The following PPM1D variants were observed in gnomAD, a reference collection of about 807,000 sequenced individuals.
PPM1D encodes protein phosphatase 1D.
PPM1D carries 52 observed loss-of-function variants against 58.3 expected under a neutral mutation model. The ratio of observed to expected loss-of-function variants is 0.89; its 90% CI spans 0.71 to 1.12. The LOEUF is 1.12. Ranked by LOEUF, PPM1D falls within the 50% of genes most tolerant of loss-of-function variation. The pLI is 0.00. For synonymous variants in PPM1D, 278 were observed against 285.1 expected, an observed-to-expected ratio of 0.98 and a Z score of 0.25; for missense variants, 564 against 777.2, an observed-to-expected ratio of 0.73 and a Z score of 3.26.
At chr17:60,654,434 G>A (rs1387614611) in intron 4 of PPM1D, among the ~76,000 whole-genome samples, 5 of 137,518 alleles carry the variant, frequency 3.6e-5, no homozygotes, top group African/African-American at 1.4e-4. Context: ...AGCCCAGGAG[G>A]TGGAGACTGC....
rs1208886645 is a variant in PPM1D, at chr17:60,600,292, GC to G, written c.-118del. 8 of 1,444,276 alleles carry G rather than the reference GC, an allele frequency of 5.5e-6. No homozygotes were observed. The highest frequency in any genetic ancestry group is 7.2e-6 in the Non-Finnish European group (8 of 1,104,564). The allele number at this position is 1,444,276 out of a possible 1,614,324, so 89.5% of individuals were successfully genotyped here. On this transcript the variant is annotated 5_prime_UTR_variant, in exon 1 of 6. Transcript: ENST00000305921. ...CGCGCGCCCCCCCTTCTCCGGGTCC[GC>G]CCCCTCCCCCTTCTCGGCGTCGTCG... is the stretch of plus-strand genomic sequence containing the variant.
intron 2 of PPM1D, 83 bp downstream of exon 2, chr17:60,623,832 T>G: frequency 7.6e-7 from 1 of 1,318,554 alleles, no homozygotes; most frequent in South Asian, 1.4e-5. Context: ...CCTACTACTG[T>G]CCCTTTTACT....
chr17:60,623,497 G>C (rs116145025), intron 1 of PPM1D, 24 bp from the exon 2 acceptor site: 2 of 1,587,832 alleles, frequency 1.3e-6, no homozygotes, highest in Admixed American at 1.7e-5. Context: ...TTGCAAGAGT[G>C]AAATATTTTA....
At chr17:60,643,518 C>CA (rs1291835484) in intron 3 of PPM1D, among the ~76,000 whole-genome samples, 1 of 152,126 alleles carries the variant, frequency 6.6e-6, no homozygotes, top group Non-Finnish European at 1.5e-5. Context: ...ATAATTGATT[C>CA]ATTCAGGAAT....
intron 1 of PPM1D, among the ~76,000 whole-genome samples, chr17:60,604,223 A>G (rs748744671): frequency 3.9e-5 from 6 of 152,220 alleles, no homozygotes; most frequent in Non-Finnish European, 7.3e-5. Context: ...CTCATCAGAA[A>G]ACTCTTTAAA....
Position 60,663,418 on chromosome 17 carries a change from C to T in PPM1D, c.1684C>T (p.Gln562Ter). 1 of 1,614,166 alleles carries T rather than the reference C, an allele frequency of 6.2e-7. No individual in the cohort carries two copies. Among genetic ancestry groups the T allele is most frequent in the Non-Finnish European group, 8.5e-7 (1 of 1,180,040 alleles). The part of the protein sequence containing the change: ...RNGLSRSSGA[Q>*]PASLPTTSQR... ...TGGCTTAAGTCGAAGTAGTGGTGCT[C>T]AGCCTGCAAGTCTCCCCACAACCTC... is the stretch of plus-strand genomic sequence containing the variant. The change falls in exon 6 of 6, where the codon CAG becomes TAG. Residue 562 changes from glutamine to a stop codon, truncating the protein, a stop_gained. Transcript: ENST00000305921. LOFTEE classifies it high-confidence loss of function.
chr17:60,615,510 A>G (rs1240954313), intron 1 of PPM1D, among the ~76,000 whole-genome samples: 1 of 152,132 alleles, frequency 6.6e-6, no homozygotes, highest in Middle Eastern at 3.4e-3. Context: ...ATTAAAATAT[A>G]AAGTAGGAAA....
intron 4 of PPM1D, 75 bp from the exon 5 acceptor site, chr17:60,656,524 T>C: frequency 6.6e-7 from 1 of 1,524,800 alleles, no homozygotes; most frequent in Non-Finnish European, 8.8e-7. Flanking sequence ...ACCAAATATT[T>C]AATTTGATAT....
chr17:60,638,019 C>T (rs2031058648), intron 3 of PPM1D, among the ~76,000 whole-genome samples: 1 of 152,074 alleles, frequency 6.6e-6, no homozygotes, highest in South Asian at 2.1e-4. Flanking sequence ...AAGAAGGTAG[C>T]TTTTGGTGGA....
chr17:60,609,745 G>A (rs2030415680), intron 1 of PPM1D, among the ~76,000 whole-genome samples: 1 of 152,152 alleles, frequency 6.6e-6, no homozygotes, highest in African/African-American at 2.4e-5. Context: ...CAGTGTTTAT[G>A]TTCAAGTGAC....
At chr17:60,636,730 G>A (rs997785222) in intron 3 of PPM1D, among the ~76,000 whole-genome samples, 4 of 151,472 alleles carry the variant, frequency 2.6e-5, no homozygotes, top group African/African-American at 9.7e-5. Flanking sequence ...GTCTCACTCT[G>A]TGCCCTAGGC....
chr17:60,615,833 T>C (rs112903029), intron 1 of PPM1D, among the ~76,000 whole-genome samples: 1 of 151,794 alleles, frequency 6.6e-6, no homozygotes, highest in African/African-American at 2.4e-5. Flanking sequence ...CCCCCTTTTT[T>C]AAGCGACAGG....
intron 1 of PPM1D, among the ~76,000 whole-genome samples, chr17:60,603,207 A>G (rs918892748): frequency 1.3e-5 from 2 of 152,240 alleles, no homozygotes; most frequent in Non-Finnish European, 2.9e-5. Context: ...ATTGGATTGT[A>G]GTAATAGTTC....
rs138998887 is a variant in PPM1D at position 60,639,690 on chromosome 17, G to A, written c.826+5713G>A. Among the ~76,000 whole-genome samples the A allele has an allele frequency of 3.8e-3, 574 of 152,214 alleles. 2 individuals carry two copies. Among genetic ancestry groups the A allele is most frequent in the African/African-American group, 0.013 (537 of 41,554 alleles). On this transcript the variant is annotated intron_variant, in intron 3 of 5. Transcript: ENST00000305921. ...TGACCTCAGGTGATCCGCCTGCCTCGGGTTCCCAAAGTGTTGGGATTACAG... is the reference window on the plus strand; with the variant it reads ...TGACCTCAGGTGATCCGCCTGCCTCAGGTTCCCAAAGTGTTGGGATTACAG...
chr17:60,662,638 GGTTT>G (rs2031545131), intron 5 of PPM1D, among the ~76,000 whole-genome samples: 1 of 152,034 alleles, frequency 6.6e-6, no homozygotes, highest in Non-Finnish European at 1.5e-5. Flanking sequence ...TAATTTTGAG[GGTTT>G]GTTTTGAAAT....
chr17:60,645,093 C>A (rs2031208653), intron 3 of PPM1D, among the ~76,000 whole-genome samples: 1 of 152,166 alleles, frequency 6.6e-6, no homozygotes, highest in South Asian at 2.1e-4. Flanking sequence ...GTGTCTAACG[C>A]CTGTAATCCT....
intron 3 of PPM1D, among the ~76,000 whole-genome samples, chr17:60,641,535 G>T (rs1045123017): frequency 6.6e-6 from 1 of 152,108 alleles, no homozygotes; most frequent in Non-Finnish European, 1.5e-5. Context: ...CCTTTCTGTA[G>T]GTTGTCTGTT....
chr17:60,614,852 A>G (rs1307316233), intron 1 of PPM1D, among the ~76,000 whole-genome samples: 1 of 152,166 alleles, frequency 6.6e-6, no homozygotes, highest in East Asian at 1.9e-4. Context: ...AGAAACTCCG[A>G]ACACATCCGA....
intron 1 of PPM1D, among the ~76,000 whole-genome samples, chr17:60,612,426 A>G (rs553299322): frequency 6.6e-6 from 1 of 152,328 alleles, no homozygotes; most frequent in South Asian, 2.1e-4. Flanking sequence ...TAGATTGTAT[A>G]TAGCGTGTTG....
Sources: allele counts gnomAD v4.1 joint callset (sites outside exome capture counted in the v4.1 genomes callset), GRCh38; gene constraint gnomAD v4.1.1; transcripts MANE v1.5; gene names NCBI Gene and HGNC (gene_info 2026-07-23, HGNC 2026-07-21).